CAPN5: variants seen among roughly 807,000 people sequenced by gnomAD.
CAPN5 encodes calpain-5.
Under a neutral mutation model 73.0 loss-of-function variants are expected in CAPN5, and 54 were observed. That is an observed-to-expected ratio of 0.74 (90% CI 0.59 to 0.93). CAPN5 has a LOEUF of 0.93. CAPN5 is among the 40% of genes least tolerant of loss of function. The pLI is 0.00. For synonymous variants in CAPN5, 335 were observed against 356.9 expected (o/e 0.94, Z 0.69); for missense variants, 785 against 882.9 (o/e 0.89, Z 1.41).
At chr11:77,067,602 G>T (rs1242573530) in intron 1 of CAPN5, among the ~76,000 whole-genome samples, 3 of 150,372 alleles carry the variant, frequency 2.0e-5, no homozygotes, top group African/African-American at 7.4e-5. Flanking sequence ...TTGAAAGGGG[G>T]CTTTTCTCCT....
intron 1 of CAPN5, among the ~76,000 whole-genome samples, chr11:77,069,608 G>C (rs1311510898): frequency 2.0e-5 from 3 of 152,032 alleles, no homozygotes; most frequent in African/African-American, 7.2e-5. Flanking sequence ...TGGGCCCTGG[G>C]CTCCCCCAGC....
At chr11:77,108,006 G>A (rs970508051) in intron 3 of CAPN5, among the ~76,000 whole-genome samples, 23 of 152,204 alleles carry the variant, frequency 1.5e-4, no homozygotes, top group African/African-American at 5.3e-4. Flanking sequence ...AGCCCTGGAG[G>A]TAGTGTAGGT....
intron 2 of CAPN5, 103 bp from the exon 3 acceptor site, chr11:77,093,579 A>G (rs1180834912): frequency 7.0e-7 from 1 of 1,426,162 alleles, no homozygotes; most frequent in African/African-American, 1.4e-5. Flanking sequence ...ATGATCACAC[A>G]GCAAGTCTGT....
intron 3 of CAPN5, among the ~76,000 whole-genome samples, chr11:77,109,292 A>G (rs782012144): frequency 2.0e-5 from 3 of 152,228 alleles, no homozygotes; most frequent in Admixed American, 6.5e-5. Flanking sequence ...AGTCTCTTCC[A>G]GTTCAAGACT....
chr11:77,080,083 C>T (rs1411169008), intron 1 of CAPN5, among the ~76,000 whole-genome samples: 2 of 152,090 alleles, frequency 1.3e-5, no homozygotes, highest in African/African-American at 2.4e-5. Flanking sequence ...AGCCAGTTGA[C>T]CCAGCACCAT....
At chr11:77,077,479 T>C (rs553451160) in intron 1 of CAPN5, among the ~76,000 whole-genome samples, 6 of 152,098 alleles carry the variant, frequency 3.9e-5, no homozygotes, top group Non-Finnish European at 8.8e-5. Context: ...TATCTCATTG[T>C]GGTTTTGATT....
intron 3 of CAPN5, among the ~76,000 whole-genome samples, chr11:77,095,999 C>G (rs1335666754): frequency 6.6e-6 from 1 of 152,182 alleles, no homozygotes; most frequent in Non-Finnish European, 1.5e-5. Flanking sequence ...TGCTATGGGT[C>G]CCGGAAGGAG....
chr11:77,119,402 G>T, intron 9 of CAPN5: 1 of 510,260 alleles, frequency 2.0e-6, no homozygotes, highest in South Asian at 2.5e-5. Context: ...CCACAGGCCT[G>T]GGATGTTTGG....
intron 1 of CAPN5, among the ~76,000 whole-genome samples, chr11:77,068,692 G>T (rs1555032556): frequency 6.6e-6 from 1 of 152,136 alleles, no homozygotes; most frequent in African/African-American, 2.4e-5. Flanking sequence ...CCTCCCTTCT[G>T]CTCTCCTCTG....
Position 77,115,606 on chromosome 11 carries a change from G to A in CAPN5, c.893+18G>A. The A allele has an allele frequency of 1.9e-6, 3 of 1,597,714 alleles. No homozygotes were observed. The highest frequency in any genetic ancestry group is 2.6e-6 in the Non-Finnish European group (3 of 1,169,044). On this transcript the variant is annotated intron_variant, in intron 6 of 12. Coordinates refer to ENST00000648180, the MANE Select transcript of CAPN5 (RefSeq NM_004055.5). The stretch of plus-strand genomic sequence containing the variant: ...AGTGACACGTGAGGCCTGGGGATGG[G>A]GGTGCAGGCACAGGGCATGAGGGCT...
chr11:77,104,836 C>T (rs782136904), intron 3 of CAPN5, among the ~76,000 whole-genome samples: 1 of 152,236 alleles, frequency 6.6e-6, no homozygotes, highest in Non-Finnish European at 1.5e-5. Flanking sequence ...GGGCCATCCC[C>T]TGTGGCTGGG....
chr11:77,115,649 G>T, intron 6 of CAPN5, 61 bp downstream of exon 6: 1 of 1,417,842 alleles, frequency 7.1e-7, no homozygotes, highest in Non-Finnish European at 9.7e-7. Context: ...GGACGGGTGG[G>T]CTTCTTGGAG....
In CAPN5 at chr11:77,082,185, C is replaced by T. The variant is rs187143892; in HGVS notation, c.-35-2667C>T. Among the ~76,000 whole-genome samples, 370 of 152,122 alleles carry T rather than the reference C, an allele frequency of 2.4e-3. 4 individuals carry two copies. The highest frequency in any genetic ancestry group is 8.4e-3 in the African/African-American group (348 of 41,508). On this transcript the variant is annotated intron_variant, in intron 1 of 12. Coordinates refer to ENST00000648180, the MANE Select transcript of CAPN5 (RefSeq NM_004055.5). Reference sequence around the variant, plus strand: ...CCCTGAGGGAACAGTCTTGTGGGAGCTGCGAGGAGCTCCGAGCCCCAGAGC... The same window carrying T: ...CCCTGAGGGAACAGTCTTGTGGGAGTTGCGAGGAGCTCCGAGCCCCAGAGC...
chr11:77,090,291 G>A (rs1452299093), intron 2 of CAPN5, among the ~76,000 whole-genome samples: 1 of 152,170 alleles, frequency 6.6e-6, no homozygotes, highest in Non-Finnish European at 1.5e-5. Flanking sequence ...CAGGCTGCAC[G>A]ATTGCCCCCA....
At chr11:77,098,261 T>C (rs868954951) in intron 3 of CAPN5, among the ~76,000 whole-genome samples, 1 of 40,622 alleles carries the variant, frequency 2.5e-5, no homozygotes, top group Admixed American at 2.1e-4. Context: ...GGACGGGGCG[T>C]CTGGCCGGGC....
rs1555043733 is a variant in CAPN5, at chr11:77,125,551, A to G, written c.*1681A>G. ...ATTCTTGTGTGTCAGCACTGTTACT[A>G]CCGAGTGCTGAGTAAGGGCAAAATA... On this transcript the variant is annotated 3_prime_UTR_variant, in exon 13 of 13. Coordinates refer to ENST00000648180, the MANE Select transcript of CAPN5 (RefSeq NM_004055.5). 6.6e-6 allele frequency: 1 copy of G among 151,394 alleles called. No homozygotes were observed. Among genetic ancestry groups the G allele is most frequent in the Non-Finnish European group, 1.5e-5 (1 of 67,884 alleles). 9.4% of individuals were successfully genotyped at this position (151,394 alleles called of 1,614,324 possible). A position where few individuals can be genotyped will look rare whatever the true frequency, so the allele number is the denominator to read the frequency against.
chr11:77,122,901 G>A (rs1205351362), intron 12 of CAPN5, among the ~76,000 whole-genome samples, 189 bp downstream of exon 12: 2 of 152,222 alleles, frequency 1.3e-5, no homozygotes, highest in African/African-American at 4.8e-5. Context: ...CTCTGTAGGT[G>A]GGTGAATTGG....
rs10543158 is a variant in CAPN5, at chr11:77,125,614, C to CTATATATATATATATATATATATA, written c.*1747_*1770dup. 21 of 140,696 alleles carry CTATATATATATATATATATATATA rather than the reference C, an allele frequency of 1.5e-4. 1 individual carries two copies. Among genetic ancestry groups the CTATATATATATATATATATATATA allele is most frequent in the African/African-American group, 5.0e-4 (19 of 38,340 alleles). 8.7% of individuals were successfully genotyped at this position (140,696 alleles called of 1,614,324 possible). On this transcript the variant is annotated 3_prime_UTR_variant, in exon 13 of 13. Transcript: ENST00000648180. Reference sequence around the variant, plus strand: ...CTATGTATCTCTGTATGCACACGCACTATATATATATATATATATATATAT... The same window carrying CTATATATATATATATATATATATA: ...CTATGTATCTCTGTATGCACACGCACTATATATATATATATATATATATATATATATATATATATATATATATAT...
Position 77,115,575 on chromosome 11 carries a change from C to T in CAPN5, c.880C>T (p.Pro294Ser). 2 of 1,609,024 alleles carry T rather than the reference C, an allele frequency of 1.2e-6. No individual in the cohort carries two copies. Among genetic ancestry groups the T allele is most frequent in the Non-Finnish European group, 1.7e-6 (2 of 1,177,340 alleles). The change falls in exon 6 of 13, where the codon CCC becomes TCC. Residue 294 changes from proline (P) to serine (S), a missense_variant. By Grantham distance (74) the Pro-to-Ser change is moderately conservative. Transcript: ENST00000648180. ...CTGGGGCGAGCGGGAGTGGAACGGGCCCTGGAGTGACACGTGAGGCCTGGG... is the reference window on the plus strand; with the variant it reads ...CTGGGGCGAGCGGGAGTGGAACGGGTCCTGGAGTGACACGTGAGGCCTGGG... ...NPWGEREWNGPWSDTSEEWQK... is the reference protein window; with the variant it reads ...NPWGEREWNGSWSDTSEEWQK...
Sources: allele counts gnomAD v4.1 joint callset (sites outside exome capture counted in the v4.1 genomes callset), GRCh38; gene constraint gnomAD v4.1.1; transcripts MANE v1.5; gene names NCBI Gene and HGNC (gene_info 2026-07-23, HGNC 2026-07-21).